The following SPATA6L variants were observed in gnomAD, a reference collection of about 807,000 sequenced individuals.
The protein encoded by SPATA6L is spermatogenesis associated 6-like protein.
A neutral mutation model predicts 49.2 loss-of-function variants in SPATA6L; 68 were observed. The ratio of observed to expected loss-of-function variants is 1.38; its 90% CI spans 1.14 to 1.69. The LOEUF is 1.69. SPATA6L is among the 40% of genes most tolerant of loss of function. SPATA6L has a pLI of 0.00. For synonymous variants in SPATA6L, 198 were observed against 165.7 expected, an observed-to-expected ratio of 1.19 and a Z score of -1.50; for missense variants, 668 against 464.3, an observed-to-expected ratio of 1.44 and a Z score of -4.03.
intron 1 of SPATA6L, chr9:4,664,036 G>A (rs1369660059): frequency 6.0e-6 from 1 of 167,056 alleles, no homozygotes; most frequent in East Asian, 1.9e-4. Flanking sequence ...TTAAAAGGTA[G>A]GCATATCTAA....
At position 4,600,182 on chromosome 9, in the gene SPATA6L, G is replaced by A. The variant is rs1481238842; in HGVS notation, c.*629C>T. Among the ~76,000 whole-genome samples the A allele has an allele frequency of 6.6e-6, 1 of 152,158 alleles. No homozygotes were observed. Among genetic ancestry groups the A allele is most frequent in the African/African-American group, 2.4e-5 (1 of 41,422 alleles). ...AACGAAGGAGTAGGAAACAGAAGGA[G>A]CAGTTTAAACTACGCTCCAGAGGAG... On this transcript the variant is annotated 3_prime_UTR_variant, in exon 12 of 12. Transcript: ENST00000682582.
chr9:4,640,710 A>G (rs1833846571), intron 3 of SPATA6L, among the ~76,000 whole-genome samples: 1 of 152,200 alleles, frequency 6.6e-6, no homozygotes. Context: ...GTAAAAACAT[A>G]CCTTGAACAA....
At chr9:4,622,059 C>T (rs559281699) in intron 7 of SPATA6L, among the ~76,000 whole-genome samples, 7 of 152,268 alleles carry the variant, frequency 4.6e-5, no homozygotes, top group South Asian at 4.1e-4. Context: ...TCCAGAAAAA[C>T]GGAAAGCCTT....
At position 4,636,152 on chromosome 9, in the gene SPATA6L, C is replaced by G. The variant is rs116187340; in HGVS notation, c.227-753G>C. On this transcript the variant is annotated intron_variant, in intron 3 of 11. Coordinates refer to ENST00000682582, the MANE Select transcript of SPATA6L (RefSeq NM_001353486.2). ...AATTTGGAAATACACTGAATTTTTCCAAGTACCGTGTAAATCAAGGAACAA... is the reference window on the plus strand; with the variant it reads ...AATTTGGAAATACACTGAATTTTTCGAAGTACCGTGTAAATCAAGGAACAA... Among the ~76,000 whole-genome samples the G allele has an allele frequency of 9.9e-3, 1,508 of 151,558 alleles. 24 individuals are homozygous for G. The highest frequency in any genetic ancestry group is 0.034 in the African/African-American group (1,394 of 41,108).
At chr9:4,660,402 A>G (rs1839343078) in intron 2 of SPATA6L, among the ~76,000 whole-genome samples, 1 of 152,264 alleles carries the variant, frequency 6.6e-6, no homozygotes, top group South Asian at 2.1e-4. Flanking sequence ...AAAAGAAGAC[A>G]TTTACACAGC....
intron 2 of SPATA6L, among the ~76,000 whole-genome samples, chr9:4,660,161 A>G (rs1839272052): frequency 6.6e-6 from 1 of 152,256 alleles, no homozygotes; most frequent in Non-Finnish European, 1.5e-5. Flanking sequence ...AATGGCAACA[A>G]AAGCCAAAAT....
At chr9:4,641,753 G>A (rs1834082847) in intron 3 of SPATA6L, among the ~76,000 whole-genome samples, 1 of 152,184 alleles carries the variant, frequency 6.6e-6, no homozygotes, top group Admixed American at 6.5e-5. Context: ...GGTTTAAAAA[G>A]ACACACATCA....
At chr9:4,631,084 T>C (rs938752597) in intron 4 of SPATA6L, among the ~76,000 whole-genome samples, 1 of 152,204 alleles carries the variant, frequency 6.6e-6, no homozygotes, top group Non-Finnish European at 1.5e-5. Flanking sequence ...GTAACACACT[T>C]TTGTTCACCT....
intron 2 of SPATA6L, among the ~76,000 whole-genome samples, chr9:4,658,812 T>G (rs1838908908): frequency 1.3e-5 from 2 of 152,054 alleles, no homozygotes; most frequent in African/African-American, 2.4e-5. Flanking sequence ...GCCAACATGG[T>G]GAAACCCTGT....
chr9:4,620,564 C>G (rs1829052414), intron 7 of SPATA6L, among the ~76,000 whole-genome samples: 2 of 152,186 alleles, frequency 1.3e-5, no homozygotes, highest in South Asian at 4.1e-4. Flanking sequence ...TACCTTAGGC[C>G]TGGATGAATG....
Position 4,662,911 on chromosome 9 carries a change from T to C in SPATA6L, c.40-875A>G. 1 of 1,609,684 alleles carries C rather than the reference T, an allele frequency of 6.2e-7. No homozygotes were observed. Among genetic ancestry groups the C allele is most frequent in the Non-Finnish European group, 8.5e-7 (1 of 1,179,968 alleles). Reference sequence around the variant, plus strand: ...TTCGCCCTGCTGTTGGACCTGCTGCTGGTGGCCTTGATCAAAGGGCTGGTC... The same window carrying C: ...TTCGCCCTGCTGTTGGACCTGCTGCCGGTGGCCTTGATCAAAGGGCTGGTC... On this transcript the variant is annotated intron_variant, in intron 1 of 11. Coordinates refer to ENST00000682582, the MANE Select transcript of SPATA6L (RefSeq NM_001353486.2). The surrounding 1 kb of genome is among the most constrained non-coding windows in gnomAD (Gnocchi z 4.9).
intron 3 of SPATA6L, among the ~76,000 whole-genome samples, chr9:4,643,101 G>A (rs569647881): frequency 3.9e-5 from 6 of 152,062 alleles, no homozygotes; most frequent in Admixed American, 1.3e-4. Context: ...TCTGCCTCCC[G>A]GGTTCAAGCA....
In SPATA6L at chr9:4,625,390, C is replaced by G. The variant is rs535794399; in HGVS notation, c.606G>C (p.Gln202His). Reference sequence around the variant, plus strand: ...TTTTGAAATTATTTCCAAGGTTCAACTGAGCTGGCTGGTCCTGGAAGAAAT... The same window carrying G: ...TTTTGAAATTATTTCCAAGGTTCAAGTGAGCTGGCTGGTCCTGGAAGAAAT... ...TRHFFQDQPAQLNLGNNFKIS... is the reference protein window; with the variant it reads ...TRHFFQDQPAHLNLGNNFKIS... The change falls in exon 6 of 12, where the codon CAG (glutamine) becomes CAC (histidine). Residue 202 changes from glutamine to histidine, a missense_variant. Coordinates refer to ENST00000682582, the MANE Select transcript of SPATA6L (RefSeq NM_001353486.2). The G allele has an allele frequency of 3.7e-6, 6 of 1,614,108 alleles. No individual in the cohort carries two copies. The East Asian group carries it at 1.3e-4, about 36-fold the overall frequency.
rs528194777 is a variant in SPATA6L at position 4,661,323 on chromosome 9, A to G, written c.177+576T>C. ...GACATAGTAATAACATCAATATTCTATGAATAGTTTAGTGTGAAGAAGGCT... is the reference window on the plus strand; with the variant it reads ...GACATAGTAATAACATCAATATTCTGTGAATAGTTTAGTGTGAAGAAGGCT... On this transcript the variant is annotated intron_variant, in intron 2 of 11. Coordinates refer to ENST00000682582, the MANE Select transcript of SPATA6L (RefSeq NM_001353486.2). 9.2e-5 allele frequency among the ~76,000 whole-genome samples: 14 copies of G among 152,294 alleles called. No individual in the cohort carries two copies. In the East Asian group the frequency reaches 1.7e-3, roughly 19 times the overall value.
chr9:4,618,064 G>A lies in SPATA6L; in HGVS notation c.854C>T (p.Ser285Leu). The A allele has an allele frequency of 6.2e-7, 1 of 1,613,856 alleles. No homozygotes were observed. The highest frequency in any genetic ancestry group is 8.5e-7 in the Non-Finnish European group (1 of 1,179,906). Reference sequence around the variant, plus strand: ...AAACTGACTTGAATCTAAACATGATGATGAGTCACTCCTTAAAACAATCCG... The same window carrying A: ...AAACTGACTTGAATCTAAACATGATAATGAGTCACTCCTTAAAACAATCCG... Reference protein sequence around the residue: ...DERIVLRSDSSSCLDSSQFGK... With the variant: ...DERIVLRSDSLSCLDSSQFGK... The change falls in exon 9 of 12, where the codon TCA becomes TTA. Residue 285 changes from serine (S) to leucine (L), a missense_variant. Physicochemically the swap from Ser to Leu is moderately radical, Grantham distance 145 (BLOSUM62 -2). Transcript: ENST00000682582.
At chr9:4,620,091 T>G (rs1225855825) in intron 7 of SPATA6L, among the ~76,000 whole-genome samples, 1 of 152,112 alleles carries the variant, frequency 6.6e-6, no homozygotes, top group Non-Finnish European at 1.5e-5. Flanking sequence ...CATATACATA[T>G]GTGTGTGCCA....
chr9:4,662,500 C>A lies in SPATA6L; in HGVS notation c.40-464G>T, dbSNP rs1201594979. On this transcript the variant is annotated intron_variant, in intron 1 of 11. Coordinates refer to ENST00000682582, the MANE Select transcript of SPATA6L (RefSeq NM_001353486.2). The surrounding 1 kb of genome is among the most constrained non-coding windows in gnomAD (Gnocchi z 4.9). The stretch of plus-strand genomic sequence containing the variant: ...GGCGGCAGCAGGTTTGAGTTCCAGT[C>A]CCTGCTCAGCAGCCGCGCCACGGCC... The A allele has an allele frequency of 2.6e-6, 4 of 1,558,450 alleles. No homozygotes were observed. The East Asian group carries it at 7.0e-5, about 27-fold the overall frequency.
Position 4,625,459 on chromosome 9 carries a change from G to A in SPATA6L, c.537C>T (p.Pro179=), listed in dbSNP as rs751685879. 6.2e-7 allele frequency: 1 copy of A among 1,614,046 alleles called. No individual in the cohort carries two copies. The highest frequency in any genetic ancestry group is 1.6e-4 in the Middle Eastern group (1 of 6,062). ...KLKENNLNRL[P]KGMQARAPSQ... is the part of the protein sequence containing the mutation. Reference sequence around the variant, plus strand: ...AGGGCGCCCGGGCTTGCATGCCTTTGGGCAGTCTGTTGAGATTATTCTCCT... The same window carrying A: ...AGGGCGCCCGGGCTTGCATGCCTTTAGGCAGTCTGTTGAGATTATTCTCCT... Residue 179 remains proline (P), a synonymous_variant, in exon 6 of 12, where the codon CCC becomes CCT. Coordinates refer to ENST00000682582, the MANE Select transcript of SPATA6L (RefSeq NM_001353486.2).
At chr9:4,610,329 G>A (rs1245382262) in intron 9 of SPATA6L, among the ~76,000 whole-genome samples, 27 of 148,664 alleles carry the variant, frequency 1.8e-4, no homozygotes, top group African/African-American at 4.7e-4. Flanking sequence ...AAAACAGCCC[G>A]CATCGCCAAG....
Sources: gnomAD v4.1 joint callset for allele counts (sites outside exome capture counted in the v4.1 genomes callset) on GRCh38, gnomAD v4.1.1 for gene constraint, Gnocchi (gnomAD v3.1) non-coding constraint, MANE v1.5 for transcripts, NCBI Gene and HGNC (gene_info 2026-07-23, HGNC 2026-07-21) for gene names.